Variants in MRPS25 observed in about 807,000 individuals in gnomAD.
MRPS25 encodes small ribosomal subunit protein mS25.
A neutral mutation model predicts 17.3 loss-of-function variants in MRPS25; 15 were observed. The ratio of observed to expected loss-of-function variants is 0.87; its 90% CI spans 0.58 to 1.34. The LOEUF (loss-of-function observed/expected upper bound fraction) is 1.34. Among genes scored for constraint, MRPS25 ranks in the 40% most tolerant of loss-of-function variants. The probability of loss-of-function intolerance (pLI) is 0.00; values close to 1 mark genes in which losing one functional copy is unlikely to be tolerated. For synonymous variants in MRPS25, 94 were observed against 83.3 expected, an observed-to-expected ratio of 1.13 and a Z score of -0.70; for missense variants, 225 against 218.6, an observed-to-expected ratio of 1.03 and a Z score of -0.19.
At chr3:15,045,688 TTACTTA>T (rs1292055669), downstream of MRPS25, 1 of 152,678 alleles carries the variant, frequency 6.5e-6, no homozygotes, top group African/African-American at 2.4e-5. Flanking sequence ...AAGTCAAGAA[TTACTTA>T]AAGAGATGCA....
At chr3:15,059,507 C>T (rs1357261815) in intron 1 of MRPS25, 32 bp from the exon 2 acceptor site, 1 of 1,484,194 alleles carries the variant, frequency 6.7e-7, no homozygotes, top group Non-Finnish European at 9.3e-7. Context: ...GCCTATGAAA[C>T]AGAGTTTTTA....
At chr3:15,057,358 TCTAA>T (rs2042686186) in intron 2 of MRPS25, among the ~76,000 whole-genome samples, 1 of 152,140 alleles carries the variant, frequency 6.6e-6, no homozygotes, top group Non-Finnish European at 1.5e-5. Flanking sequence ...ATCTCATACT[TCTAA>T]CTCTCTCGGC....
chr3:15,053,578 AATAG>A (rs1223849035), intron 2 of MRPS25, 111 bp from the exon 3 acceptor site: 2 of 1,143,328 alleles, frequency 1.7e-6, no homozygotes, highest in African/African-American at 1.5e-5. Context: ...TTAATAATAA[AATAG>A]ATATACTTGT....
Position 15,049,865 on chromosome 3 carries a change from C to T in MRPS25, c.*2576G>A. On this transcript the variant is annotated 3_prime_UTR_variant, in exon 4 of 4. Coordinates refer to ENST00000253686, the MANE Select transcript of MRPS25 (RefSeq NM_022497.5). ...AACCTCCTGGGCTCAAGTGATCCTC[C>T]TGCCTCAGCCTCCTGAGTAACTGGG... The T allele has an allele frequency of 6.9e-7, 1 of 1,446,002 alleles. No individual in the cohort carries two copies. The highest frequency in any genetic ancestry group is 9.4e-7 in the Non-Finnish European group (1 of 1,067,048). 89.6% of individuals were successfully genotyped at this position (1,446,002 alleles called of 1,614,324 possible). A position where few individuals can be genotyped will look rare whatever the true frequency, so the allele number is the denominator to read the frequency against.
At chr3:15,060,697 AC>A in intron 1 of MRPS25, among the ~76,000 whole-genome samples, 1 of 152,132 alleles carries the variant, frequency 6.6e-6, no homozygotes, top group East Asian at 1.9e-4. Flanking sequence ...CCTGGCTAAC[AC>A]GGTGAAATGC....
Position 15,050,657 on chromosome 3 carries a change from C to T in MRPS25, c.*1784G>A, listed in dbSNP as rs944834596. The T allele has an allele frequency of 1.0e-6, 1 of 985,360 alleles. No homozygotes were observed. The allele number at this position is 985,360 out of a possible 1,614,324, so 61.0% of individuals were successfully genotyped here. Reference sequence around the variant, plus strand: ...TGGAGGAGAGCTTTTTCCACCCAGCCAAAATGCTGATAGCAGAGAGACAAG... The same window carrying T: ...TGGAGGAGAGCTTTTTCCACCCAGCTAAAATGCTGATAGCAGAGAGACAAG... On this transcript the variant is annotated 3_prime_UTR_variant, in exon 4 of 4. Coordinates refer to ENST00000253686, the MANE Select transcript of MRPS25 (RefSeq NM_022497.5).
chr3:15,065,138 C>T lies in MRPS25; in HGVS notation c.57G>A (p.Gly19=). 1.2e-6 allele frequency: 2 copies of T among 1,609,212 alleles called. No individual in the cohort carries two copies. Among genetic ancestry groups the T allele is most frequent in the Non-Finnish European group, 1.7e-6 (2 of 1,177,972 alleles). ...IRRTLQYLSQ[G]NVVFKDSVKV... is the part of the protein sequence containing the mutation. Reference sequence around the variant, plus strand: ...TCACGGAGTCCTTGAACACCACGTTCCCCTGGCTCAGATATTGCAGGGTGC... The same window carrying T: ...TCACGGAGTCCTTGAACACCACGTTTCCCTGGCTCAGATATTGCAGGGTGC... The change falls in exon 1 of 4, where the codon GGG becomes GGA. Residue 19 remains glycine (G), a synonymous_variant. Coordinates refer to ENST00000253686, the MANE Select transcript of MRPS25 (RefSeq NM_022497.5).
At position 15,049,130 on chromosome 3, in the gene MRPS25, T is replaced by G. The variant is rs970238027; in HGVS notation, c.*3311A>C. The G allele has an allele frequency of 6.6e-6, 1 of 152,642 alleles. No individual in the cohort carries two copies. Among genetic ancestry groups the G allele is most frequent in the Non-Finnish European group, 1.5e-5 (1 of 68,020 alleles). The allele number at this position is 152,642 out of a possible 1,614,324, so 9.5% of individuals were successfully genotyped here. A position where few individuals can be genotyped will look rare whatever the true frequency, so the allele number is the denominator to read the frequency against. On this transcript the variant is annotated 3_prime_UTR_variant, in exon 4 of 4. Coordinates refer to ENST00000253686, the MANE Select transcript of MRPS25 (RefSeq NM_022497.5). ...TTCAGTCTTGAAGAAGAATTTGCATTGTTGTGTTTGTATATAGAGTATTGC... is the reference window on the plus strand; with the variant it reads ...TTCAGTCTTGAAGAAGAATTTGCATGGTTGTGTTTGTATATAGAGTATTGC...
chr3:15,048,494 A>AT, downstream of MRPS25: 1 of 152,648 alleles, frequency 6.6e-6, no homozygotes, highest in East Asian at 1.9e-4. Context: ...TGGTGTCTTG[A>AT]TATTTATACA....
chr3:15,050,801 C>T lies in MRPS25; in HGVS notation c.*1640G>A, dbSNP rs1033739306. On this transcript the variant is annotated 3_prime_UTR_variant, in exon 4 of 4. Coordinates refer to ENST00000253686, the MANE Select transcript of MRPS25 (RefSeq NM_022497.5). ...ACCCCCGACAAGCCATCACCCCAAA[C>T]CCAGATCTGGTACAGAATCAAACTT... The T allele has an allele frequency of 1.0e-6, 1 of 985,242 alleles. No individual in the cohort carries two copies. Among genetic ancestry groups the T allele is most frequent in the African/African-American group, 1.7e-5 (1 of 57,192 alleles). The allele number at this position is 985,242 out of a possible 1,614,324, so 61.0% of individuals were successfully genotyped here.
downstream of MRPS25, chr3:15,046,529 C>T (rs1263720688): frequency 2.6e-5 from 4 of 152,292 alleles, no homozygotes; most frequent in Non-Finnish European, 4.4e-5. Context: ...CACTCTTGCT[C>T]ACAGCCCGCC....
At chr3:15,060,067 C>T (rs1010758579) in intron 1 of MRPS25, among the ~76,000 whole-genome samples, 6 of 150,946 alleles carry the variant, frequency 4.0e-5, no homozygotes, top group Middle Eastern at 3.5e-3. Context: ...TTAATCTGAA[C>T]GCTGAATATC....
chr3:15,043,122 T>G, downstream of MRPS25: 1 of 1,007,054 alleles, frequency 9.9e-7, no homozygotes, highest in Non-Finnish European at 1.4e-6. Context: ...AGCCATTTCC[T>G]GTCTGGTTTC....
intron 2 of MRPS25, among the ~76,000 whole-genome samples, chr3:15,053,941 T>C (rs1203745818): frequency 6.6e-6 from 1 of 152,180 alleles, no homozygotes. Flanking sequence ...GAAATTACTA[T>C]AATCAAGACA....
chr3:15,064,536 C>G (rs371256919), intron 1 of MRPS25, among the ~76,000 whole-genome samples: 356 of 152,348 alleles, frequency 2.3e-3, no homozygotes, highest in African/African-American at 8.1e-3. Flanking sequence ...GTTACTTAAC[C>G]TCTCTGTGCG....
At chr3:15,053,586 T>C (rs1303021602) in intron 2 of MRPS25, 119 bp from the exon 3 acceptor site, 2 of 1,091,282 alleles carry the variant, frequency 1.8e-6, no homozygotes, top group Non-Finnish European at 1.4e-6. Flanking sequence ...AAAATAGATA[T>C]ACTTGTTTAC....
Position 15,048,875 on chromosome 3 carries a change from C to G in MRPS25, c.*3566G>C, listed in dbSNP as rs1253493074. On this transcript the variant is annotated 3_prime_UTR_variant, in exon 4 of 4. Coordinates refer to ENST00000253686, the MANE Select transcript of MRPS25 (RefSeq NM_022497.5). ...AGCCCTTTTAAAGGCATCTATCTAT[C>G]AAAGGAAAATTTGGGTGTTAGATTT... 3 of 152,636 alleles carry G rather than the reference C, an allele frequency of 2.0e-5. No individual in the cohort carries two copies. The highest frequency in any genetic ancestry group is 4.4e-5 in the Non-Finnish European group (3 of 68,046). The allele number at this position is 152,636 out of a possible 1,614,324, so 9.5% of individuals were successfully genotyped here.
chr3:15,042,507 C>T (rs9825022), downstream of MRPS25: 15,156 of 218,844 alleles, frequency 0.069, 713 homozygotes, highest in African/African-American at 0.13. Flanking sequence ...AAATGAGTCT[C>T]TAGCAGTTCA....
intron 2 of MRPS25, among the ~76,000 whole-genome samples, chr3:15,057,641 C>A (rs2042690171): frequency 6.6e-6 from 1 of 152,204 alleles, no homozygotes; most frequent in Non-Finnish European, 1.5e-5. Context: ...GAAAGTGGCA[C>A]TAAGGAACTT....
Sources: gnomAD v4.1 joint callset for allele counts (sites outside exome capture counted in the v4.1 genomes callset) on GRCh38, gnomAD v4.1.1 for gene constraint, MANE v1.5 for transcripts, NCBI Gene and HGNC (gene_info 2026-07-23, HGNC 2026-07-21) for gene names.